Variants in SENP7 observed in about 807,000 individuals in gnomAD.
SENP7 encodes SUMO specific peptidase 7.
In SENP7, 64 loss-of-function variants were observed where a neutral mutation model predicts 141.2. The observed-to-expected ratio is 0.45, with a 90% CI of 0.37 to 0.56. SENP7 has a LOEUF of 0.56. Ranked by LOEUF, SENP7 falls within the 20% of genes least tolerant of loss-of-function variation. SENP7 has a pLI of 0.00. For synonymous variants in SENP7, 382 were observed against 426.4 expected, an observed-to-expected ratio of 0.90 and a Z score of 1.28; for missense variants, 1,025 against 1,212.2, an observed-to-expected ratio of 0.85 and a Z score of 2.29.
chr3:101,491,820 G>A (rs570613289), intron 3 of SENP7, among the ~76,000 whole-genome samples: 7 of 152,280 alleles, frequency 4.6e-5, no homozygotes, highest in Admixed American at 2.0e-4. Flanking sequence ...GGTCGGGCAC[G>A]GTGCCTCATG....
intron 5 of SENP7, among the ~76,000 whole-genome samples, chr3:101,405,018 G>C (rs1447667823): frequency 6.6e-6 from 1 of 152,166 alleles, no homozygotes; most frequent in East Asian, 1.9e-4. Flanking sequence ...GGAACAAAAG[G>C]GGATAATGGT....
chr3:101,501,151 C>A (rs1450726960), intron 1 of SENP7, 32 bp from the exon 2 acceptor site: 6 of 1,442,412 alleles, frequency 4.2e-6, no homozygotes, highest in Admixed American at 1.8e-5. Context: ...TAAAAATTAT[C>A]GTTTAACATC....
intron 18 of SENP7, 40 bp downstream of exon 18, chr3:101,332,730 A>T (rs1351262588): frequency 7.3e-7 from 1 of 1,366,872 alleles, no homozygotes; most frequent in African/African-American, 1.5e-5. Context: ...TTTTTTCTGA[A>T]TTCTTTCCAA....
At position 101,473,590 on chromosome 3, in the gene SENP7, T is replaced by C. The variant is rs538006628; in HGVS notation, c.187-14538A>G. On this transcript the variant is annotated intron_variant, in intron 3 of 23. Coordinates refer to ENST00000394095, the MANE Select transcript of SENP7 (RefSeq NM_020654.5). ...GCCCACTTTATAATGGGGTTGTTTT[T>C]TGCTTGTAAATTTGTTTAAGTTAAT... 3.3e-5 allele frequency among the ~76,000 whole-genome samples: 5 copies of C among 152,342 alleles called. No individual in the cohort carries two copies. In the South Asian group the frequency reaches 1.0e-3, roughly 32 times the overall value.
At chr3:101,368,059 A>G in intron 7 of SENP7, 48 bp from the exon 8 acceptor site, 15 of 1,453,682 alleles carry the variant, frequency 1.0e-5, no homozygotes, top group Non-Finnish European at 1.4e-5. Context: ...GTATAGAGAG[A>G]ATCTCTTTTA....
At chr3:101,406,531 A>C (rs942654499) in intron 5 of SENP7, among the ~76,000 whole-genome samples, 2 of 152,020 alleles carry the variant, frequency 1.3e-5, no homozygotes, top group Non-Finnish European at 2.9e-5. Context: ...ATGTATACAT[A>C]TGTAACAAAC....
At chr3:101,455,892 A>C (rs543740328) in intron 4 of SENP7, among the ~76,000 whole-genome samples, 26 of 152,280 alleles carry the variant, frequency 1.7e-4, no homozygotes, top group African/African-American at 5.8e-4. Flanking sequence ...ACCTTTTAGA[A>C]GTAGAACATT....
Position 101,346,817 on chromosome 3 carries a change from C to T in SENP7, c.1837+1055G>A, listed in dbSNP as rs182424050. On this transcript the variant is annotated intron_variant, in intron 13 of 23. Transcript: ENST00000394095. ...TAAATTGGGTTCAGTGTATACTGCTCGGGTTATGGGTGCACTAATATCTCA... is the reference window on the plus strand; with the variant it reads ...TAAATTGGGTTCAGTGTATACTGCTTGGGTTATGGGTGCACTAATATCTCA... Among the ~76,000 whole-genome samples the T allele has an allele frequency of 9.5e-3, 1,438 of 151,880 alleles. 26 individuals carry two copies. The highest frequency in any genetic ancestry group is 0.033 in the African/African-American group (1,381 of 41,366).
chr3:101,505,567 T>TA (rs2065568326), intron 1 of SENP7, among the ~76,000 whole-genome samples: 1 of 152,222 alleles, frequency 6.6e-6, no homozygotes, highest in Admixed American at 6.5e-5. Flanking sequence ...AATTTTTTTA[T>TA]AGCTGACTTG....
intron 3 of SENP7, among the ~76,000 whole-genome samples, chr3:101,463,153 G>A (rs759140602): frequency 3.3e-5 from 5 of 151,342 alleles, no homozygotes; most frequent in East Asian, 1.9e-4. Flanking sequence ...ATCACTTGAC[G>A]TCAGAAGTTT....
In SENP7 at chr3:101,398,871, A is replaced by G. The variant is rs367713149; in HGVS notation, c.667T>C (p.Leu223=). The change falls in exon 6 of 24, where the codon TTA becomes CTA. Residue 223 remains leucine (L), a synonymous_variant. Transcript: ENST00000394095. ...TATCACTAAACATACCTTTCAGATAAATAACAGCTCTTGTGAGGGTTTAGA... is the reference window on the plus strand; with the variant it reads ...TATCACTAAACATACCTTTCAGATAGATAACAGCTCTTGTGAGGGTTTAGA... The part of the protein sequence containing the change: ...QNLNPHKSCY[L]SERGSQRSKT... 4.4e-6 allele frequency: 7 copies of G among 1,592,178 alleles called. No individual in the cohort carries two copies. In the African/African-American group the frequency reaches 9.4e-5, roughly 21 times the overall value.
chr3:101,344,529 G>A (rs1356118724), intron 13 of SENP7, among the ~76,000 whole-genome samples: 1 of 152,102 alleles, frequency 6.6e-6, no homozygotes, highest in Non-Finnish European at 1.5e-5. Context: ...TTACTGTGCA[G>A]GAGAGTAGGA....
At chr3:101,364,312 T>A (rs915595879) in intron 10 of SENP7, among the ~76,000 whole-genome samples, 3 of 152,160 alleles carry the variant, frequency 2.0e-5, no homozygotes, top group African/African-American at 7.2e-5. Flanking sequence ...TTCAAAGGAC[T>A]GAATTAATCG....
intron 1 of SENP7, among the ~76,000 whole-genome samples, chr3:101,503,593 G>C (rs1455506181): frequency 1.3e-5 from 2 of 152,210 alleles, no homozygotes; most frequent in African/African-American, 4.8e-5. Flanking sequence ...AAGAGTATAT[G>C]ATTCTATTTC....
chr3:101,402,895 A>G (rs2107596875), intron 5 of SENP7, among the ~76,000 whole-genome samples: 1 of 152,342 alleles, frequency 6.6e-6, no homozygotes, highest in African/African-American at 2.4e-5. Context: ...CATCCATTCT[A>G]TAGCCCATGG....
intron 4 of SENP7, among the ~76,000 whole-genome samples, chr3:101,443,265 T>C (rs1365732954): frequency 2.0e-5 from 3 of 152,196 alleles, no homozygotes; most frequent in South Asian, 2.1e-4. Flanking sequence ...GTTGTAGATA[T>C]GCGGCGTTAT....
At chr3:101,385,121 A>G (rs1483713581) in intron 6 of SENP7, among the ~76,000 whole-genome samples, 4 of 152,192 alleles carry the variant, frequency 2.6e-5, no homozygotes, top group East Asian at 3.8e-4. Flanking sequence ...AGGATTTACT[A>G]GAATAAATAT....
At chr3:101,362,289 C>T (rs1307515909) in intron 10 of SENP7, among the ~76,000 whole-genome samples, 1 of 152,058 alleles carries the variant, frequency 6.6e-6, no homozygotes, top group Non-Finnish European at 1.5e-5. Flanking sequence ...TTTCAGTTTC[C>T]CATTTCATAA....
At chr3:101,370,795 A>C (rs900946519) in intron 7 of SENP7, among the ~76,000 whole-genome samples, 1 of 152,198 alleles carries the variant, frequency 6.6e-6, no homozygotes, top group Non-Finnish European at 1.5e-5. Context: ...CATTCTCCAA[A>C]GACTGCCTTT....
Sources: allele counts gnomAD v4.1 joint callset (sites outside exome capture counted in the v4.1 genomes callset), GRCh38; gene constraint gnomAD v4.1.1; transcripts MANE v1.5; gene names NCBI Gene and HGNC (gene_info 2026-07-23, HGNC 2026-07-21).